The following TENM3 variants were observed in gnomAD, a reference collection of about 807,000 sequenced individuals.
TENM3 encodes the protein teneurin transmembrane protein 3.
Under a neutral mutation model 255.1 loss-of-function variants are expected in TENM3, and 63 were observed. The ratio of observed to expected loss-of-function variants is 0.25; its 90% CI spans 0.20 to 0.30. The LOEUF (loss-of-function observed/expected upper bound fraction) is 0.30, where lower values mean the gene tolerates loss of function less well. Among genes scored for constraint, TENM3 ranks in the 10% least tolerant of loss-of-function variants. The pLI is 1.00. For missense variants in TENM3, 2,929 were observed against 3,461.1 expected (o/e 0.85, Z 3.86); for synonymous variants, 1,306 against 1,322.3 (o/e 0.99, Z 0.27).
chr4:181,791,856 G>T, the TENM3 span, among the ~76,000 whole-genome samples: 3 of 152,114 alleles, frequency 2.0e-5, no homozygotes, highest in African/African-American at 7.2e-5. Flanking sequence ...AGTAGGCAAC[G>T]GACACTGTGT....
the TENM3 span, among the ~76,000 whole-genome samples, chr4:181,896,939 C>T: frequency 6.6e-6 from 1 of 152,164 alleles, no homozygotes; most frequent in African/African-American, 2.4e-5. Context: ...CTCCACACTG[C>T]GGGAGACCTT....
chr4:181,663,655 C>T, the TENM3 span, among the ~76,000 whole-genome samples: 1 of 152,100 alleles, frequency 6.6e-6, no homozygotes, highest in Non-Finnish European at 1.5e-5. Context: ...GAACATCCTT[C>T]AAAATTAAAG....
chr4:181,536,280 G>T, the TENM3 span, among the ~76,000 whole-genome samples: 1 of 152,066 alleles, frequency 6.6e-6, no homozygotes, highest in Non-Finnish European at 1.5e-5. Flanking sequence ...TTGTGTTCCC[G>T]CATGAGGAGT....
chr4:181,697,135 C>T, the TENM3 span, among the ~76,000 whole-genome samples: 9 of 152,166 alleles, frequency 5.9e-5, no homozygotes, highest in Admixed American at 5.9e-4. Flanking sequence ...CAACTATGGC[C>T]CAAGAATCTT....
In TENM3 at chr4:182,448,305, C is replaced by T. The variant is rs566616548; in HGVS notation, c.511+101376C>T. On this transcript the variant is annotated intron_variant, in intron 3 of 27. Transcript: ENST00000511685. ...GCGCGGGCTGAGCTGGTCCCTGCTG[C>T]GTTCACGAGCGACACCCACCCCTTC... 3.9e-5 allele frequency among the ~76,000 whole-genome samples: 6 copies of T among 152,298 alleles called. 1 individual carries two copies. In the South Asian group the frequency reaches 8.3e-4, roughly 21 times the overall value.
At chr4:181,531,139 C>T in the TENM3 span, among the ~76,000 whole-genome samples, 1 of 152,208 alleles carries the variant, frequency 6.6e-6, no homozygotes, top group Non-Finnish European at 1.5e-5. Context: ...TGGTTATTTT[C>T]TGCCCTGTGG....
the TENM3 span, among the ~76,000 whole-genome samples, chr4:182,059,510 C>G: frequency 6.6e-6 from 1 of 151,780 alleles, no homozygotes; most frequent in Non-Finnish European, 1.5e-5. Context: ...TTTTGGTGCT[C>G]TACTGGAAGG....
intron 3 of TENM3, among the ~76,000 whole-genome samples, chr4:182,390,251 A>G (rs974521990): frequency 3.9e-5 from 6 of 152,208 alleles, no homozygotes; most frequent in Non-Finnish European, 7.3e-5. Context: ...TGTACTGCCC[A>G]GTCCCAGTGT....
At chr4:181,868,823 T>C in the TENM3 span, among the ~76,000 whole-genome samples, 1 of 152,118 alleles carries the variant, frequency 6.6e-6, no homozygotes. Flanking sequence ...CAAAATAGGG[T>C]CGCATTTCTT....
the TENM3 span, among the ~76,000 whole-genome samples, chr4:182,023,529 T>C: frequency 6.6e-6 from 1 of 152,246 alleles, no homozygotes; most frequent in East Asian, 1.9e-4. Context: ...GAACATAGAT[T>C]ATATCATAGG....
chr4:182,321,167 T>C (rs1763024901), intron 1 of TENM3, among the ~76,000 whole-genome samples: 1 of 152,118 alleles, frequency 6.6e-6, no homozygotes, highest in Non-Finnish European at 1.5e-5. Context: ...GAAACAAAAT[T>C]TCCCTGGAAC....
At chr4:182,537,703 CAT>C (rs900615341) in intron 3 of TENM3, among the ~76,000 whole-genome samples, 8 of 152,260 alleles carry the variant, frequency 5.3e-5, no homozygotes, top group South Asian at 2.1e-4. Context: ...ACATTTTCCA[CAT>C]GTGTTTAATT....
the TENM3 span, among the ~76,000 whole-genome samples, chr4:181,488,260 T>C: frequency 6.6e-6 from 1 of 152,236 alleles, no homozygotes; most frequent in African/African-American, 2.4e-5. Flanking sequence ...ATAAATATAC[T>C]ATGCATTCTA....
At chr4:182,282,279 G>A in intron 1 of TENM3, among the ~76,000 whole-genome samples, 1 of 152,260 alleles carries the variant, frequency 6.6e-6, no homozygotes, top group East Asian at 1.9e-4. Flanking sequence ...GCATCTTCAA[G>A]GTAATTGCCA....
chr4:181,940,017 C>T, the TENM3 span, among the ~76,000 whole-genome samples: 4 of 152,258 alleles, frequency 2.6e-5, no homozygotes, highest in African/African-American at 9.6e-5. Context: ...CAGAAATGCA[C>T]GCTTTATGCA....
the TENM3 span, among the ~76,000 whole-genome samples, chr4:182,125,859 G>A: frequency 1.6e-4 from 24 of 150,136 alleles, no homozygotes; most frequent in South Asian, 4.4e-3. Flanking sequence ...TGATAATATA[G>A]AGCATAAAAT....
At chr4:182,190,755 G>T (rs780368610) in intron 1 of TENM3, among the ~76,000 whole-genome samples, 1 of 152,064 alleles carries the variant, frequency 6.6e-6, no homozygotes, top group Non-Finnish European at 1.5e-5. Context: ...AATAACCCTG[G>T]CATAATTCAC....
intron 10 of TENM3, among the ~76,000 whole-genome samples, chr4:182,681,567 T>C (rs1561101484): frequency 6.6e-6 from 1 of 152,192 alleles, no homozygotes; most frequent in Non-Finnish European, 1.5e-5. Context: ...CAAGAGCCTG[T>C]GTGTGTAATT....
chr4:182,176,511 G>A (rs907717017), intron 1 of TENM3, among the ~76,000 whole-genome samples: 1 of 152,108 alleles, frequency 6.6e-6, no homozygotes, highest in East Asian at 1.9e-4. Flanking sequence ...TTGAAACATA[G>A]AATATTTTTT....
Sources: gnomAD v4.1 joint callset for allele counts (sites outside exome capture counted in the v4.1 genomes callset) on GRCh38, gnomAD v4.1.1 for gene constraint, MANE v1.5 for transcripts, NCBI Gene and HGNC (gene_info 2026-07-23, HGNC 2026-07-21) for gene names.